The following ST7 variants were observed in gnomAD, a reference collection of about 807,000 sequenced individuals.
The protein encoded by ST7 is suppression of tumorigenicity 7, also known as suppressor of tumorigenicity 7 protein.
A neutral mutation model predicts 78.7 loss-of-function variants in ST7; 28 were observed. The observed-to-expected ratio is 0.36, with a 90% CI of 0.26 to 0.49. The LOEUF (loss-of-function observed/expected upper bound fraction) is 0.49. Ranked by LOEUF, ST7 falls within the 20% of genes least tolerant of loss-of-function variation. The probability of loss-of-function intolerance (pLI) is 0.99; values close to 1 mark genes in which losing one functional copy is unlikely to be tolerated. For missense variants in ST7, 418 were observed against 696.0 expected (o/e 0.60, Z 4.49); for synonymous variants, 247 against 249.6 (o/e 0.99, Z 0.10).
intron 1 of ST7, among the ~76,000 whole-genome samples, chr7:117,058,269 A>G (rs925428094): frequency 7.2e-5 from 11 of 152,174 alleles, no homozygotes; most frequent in African/African-American, 1.2e-4. Context: ...GTTATTTCCT[A>G]TAATGTTTGT....
rs760153477 is a variant in ST7 at position 117,031,882 on chromosome 7, ATT to A, written c.152-67865_152-67864del. Among the ~76,000 whole-genome samples, 72 of 110,356 alleles carry A rather than the reference ATT, an allele frequency of 6.5e-4. 7 individuals are homozygous for A. Among genetic ancestry groups the A allele is most frequent in the Middle Eastern group, 5.5e-3 (1 of 182 alleles). 72.4% of individuals were successfully genotyped at this position (110,356 alleles called of 152,430 possible). ...TCTATCTATCTATCTATATATATAT[ATT>A]TTTTTTTTTTTTTTGGCAATGGAGT... On this transcript the variant is annotated intron_variant, in intron 1 of 15. Coordinates refer to ENST00000323984, the MANE Select transcript of ST7 (RefSeq NM_001369598.1).
At chr7:117,007,393 G>A (rs998298602) in intron 1 of ST7, among the ~76,000 whole-genome samples, 1 of 152,164 alleles carries the variant, frequency 6.6e-6, no homozygotes, top group African/African-American at 2.4e-5. Flanking sequence ...ATTTCTTCAG[G>A]GGTTCTATGA....
chr7:116,970,138 T>C (rs1793343239), intron 1 of ST7, among the ~76,000 whole-genome samples: 1 of 152,096 alleles, frequency 6.6e-6, no homozygotes, highest in Admixed American at 6.5e-5. Flanking sequence ...AGCTATGTTA[T>C]AGAGAAAGGG....
chr7:117,189,889 A>T (rs1809618932), intron 11 of ST7, among the ~76,000 whole-genome samples: 1 of 152,176 alleles, frequency 6.6e-6, no homozygotes, highest in African/African-American at 2.4e-5. Flanking sequence ...TATTTTGTTC[A>T]GGCAGGTGAC....
rs1446972178 is a variant in ST7 at position 117,219,030 on chromosome 7, G to A, written c.1406-54G>A. The stretch of plus-strand genomic sequence containing the variant: ...GCTCAAACGCCCCTTTTTGCAGTTG[G>A]GAAGTTATGACACAAACATTGGACA... On this transcript the variant is annotated intron_variant, in intron 13 of 15. Transcript: ENST00000323984. The surrounding 1 kb of genome is among the most constrained non-coding windows in gnomAD (Gnocchi z 5.1). 1.2e-5 allele frequency: 18 copies of A among 1,464,852 alleles called. No individual in the cohort carries two copies. The highest frequency in any genetic ancestry group is 1.4e-5 in the Non-Finnish European group (15 of 1,061,460). 90.7% of individuals were successfully genotyped at this position (1,464,852 alleles called of 1,614,324 possible). A position where few individuals can be genotyped will look rare whatever the true frequency, so the allele number is the denominator to read the frequency against.
At chr7:117,032,131 C>T (rs1345294778) in intron 1 of ST7, among the ~76,000 whole-genome samples, 4 of 151,906 alleles carry the variant, frequency 2.6e-5, no homozygotes, top group Non-Finnish European at 5.9e-5. Context: ...ATCTGCCCTC[C>T]TCGGCCTCCC....
chr7:117,006,581 C>T (rs141783763), intron 1 of ST7, among the ~76,000 whole-genome samples: 1 of 152,162 alleles, frequency 6.6e-6, no homozygotes, highest in African/African-American at 2.4e-5. Flanking sequence ...CAGAAATATA[C>T]CTAATTCCTA....
intron 1 of ST7, among the ~76,000 whole-genome samples, chr7:117,006,040 T>G (rs1000635046): frequency 3.9e-5 from 6 of 152,178 alleles, no homozygotes; most frequent in African/African-American, 1.4e-4. Context: ...TAGCAACTCA[T>G]AGCTCATGTC....
At chr7:117,221,673 G>A (rs1345801878) in intron 14 of ST7, among the ~76,000 whole-genome samples, 1 of 152,146 alleles carries the variant, frequency 6.6e-6, no homozygotes, top group African/African-American at 2.4e-5. Flanking sequence ...ATGAAGGCGT[G>A]ACACCCTCAA....
At chr7:117,107,801 C>T (rs1255841321) in intron 2 of ST7, among the ~76,000 whole-genome samples, 1 of 151,778 alleles carries the variant, frequency 6.6e-6, no homozygotes, top group African/African-American at 2.4e-5. Flanking sequence ...TTGTTAGAGA[C>T]AGGGTTTCAC....
chr7:116,967,164 C>T, intron 1 of ST7: 1 of 250,718 alleles, frequency 4.0e-6, no homozygotes, highest in Non-Finnish European at 8.6e-6. Flanking sequence ...TCATATAAAC[C>T]TGGGTTTCTC....
intron 1 of ST7, among the ~76,000 whole-genome samples, chr7:117,086,750 G>A (rs925191243): frequency 2.6e-5 from 4 of 152,078 alleles, no homozygotes; most frequent in Admixed American, 1.3e-4. Context: ...TAGACATTAC[G>A]TAAAGCCAGA....
chr7:117,227,033 A>G (rs1215587159), intron 15 of ST7, among the ~76,000 whole-genome samples: 6 of 152,262 alleles, frequency 3.9e-5, no homozygotes, highest in African/African-American at 1.2e-4. Flanking sequence ...TTTCCTCCTG[A>G]TTTTCAGAGG....
intron 1 of ST7, among the ~76,000 whole-genome samples, chr7:117,039,580 CAAA>C (rs573637216): frequency 1.2e-5 from 1 of 81,548 alleles, no homozygotes. Context: ...TCTGTAAAAG[CAAA>C]AAAAAAAAAA....
intron 1 of ST7, among the ~76,000 whole-genome samples, chr7:116,956,001 G>A (rs377393559): frequency 4.5e-4 from 68 of 152,288 alleles, no homozygotes; most frequent in South Asian, 8.3e-4. Flanking sequence ...AGCACACAGA[G>A]AGCACTCACC....
At chr7:117,044,804 G>A (rs765323394) in intron 1 of ST7, among the ~76,000 whole-genome samples, 4 of 152,064 alleles carry the variant, frequency 2.6e-5, no homozygotes, top group Admixed American at 6.6e-5. Flanking sequence ...GACATCTCCC[G>A]AATTCATATC....
At chr7:117,043,150 A>G (rs952894958) in intron 1 of ST7, among the ~76,000 whole-genome samples, 2 of 152,228 alleles carry the variant, frequency 1.3e-5, no homozygotes, top group Non-Finnish European at 2.9e-5. Context: ...AACACATGCT[A>G]TTAATAATCT....
rs537722343 is a variant in ST7, at chr7:117,212,582, G to A, written c.1405+2645G>A. Among the ~76,000 whole-genome samples, 21 of 151,906 alleles carry A rather than the reference G, an allele frequency of 1.4e-4. No homozygotes were observed. The East Asian group carries it at 2.9e-3, about 21-fold the overall frequency. ...TATTGACTTAAACATTTTAAATATC[G>A]AATGAGACCAATTTTATAAAATAAA... On this transcript the variant is annotated intron_variant, in intron 13 of 15. Coordinates refer to ENST00000323984, the MANE Select transcript of ST7 (RefSeq NM_001369598.1).
In ST7 at chr7:117,222,650, G is replaced by A. The variant is rs114851722; in HGVS notation, c.1638+588G>A. Reference sequence around the variant, plus strand: ...AAAAGCCATCTGCATTGACAGCCAAGAACCATTGTTTCTTTGTTGAAAACT... The same window carrying A: ...AAAAGCCATCTGCATTGACAGCCAAAAACCATTGTTTCTTTGTTGAAAACT... On this transcript the variant is annotated intron_variant, in intron 15 of 15. Transcript: ENST00000323984. Among the ~76,000 whole-genome samples the A allele has an allele frequency of 7.1e-3, 1,082 of 152,258 alleles. 11 individuals carry two copies. The highest frequency in any genetic ancestry group is 0.024 in the African/African-American group (990 of 41,538).
Sources: gnomAD v4.1 joint callset for allele counts (sites outside exome capture counted in the v4.1 genomes callset) on GRCh38, gnomAD v4.1.1 for gene constraint, Gnocchi (gnomAD v3.1) non-coding constraint, MANE v1.5 for transcripts, NCBI Gene and HGNC (gene_info 2026-07-23, HGNC 2026-07-21) for gene names.